The following NUBPL variants were observed in gnomAD, a reference collection of about 807,000 sequenced individuals.
NUBPL encodes NUBP iron-sulfur cluster assembly factor, mitochondrial.
In NUBPL, 31 loss-of-function variants were observed where a neutral mutation model predicts 45.7. The ratio of observed to expected loss-of-function variants is 0.68; its 90% CI spans 0.51 to 0.92. The LOEUF is 0.92. Among genes scored for constraint, NUBPL ranks in the 40% least tolerant of loss-of-function variants. NUBPL has a pLI of 0.00. For synonymous variants in NUBPL, 144 were observed against 140.9 expected (o/e 1.02, Z -0.15); for missense variants, 401 against 398.7 (o/e 1.01, Z -0.05).
chr14:31,618,432 A>G lies in NUBPL; in HGVS notation c.382+19053A>G, dbSNP rs139373553. ...CATTTAGTGCCATAAATTTCCCTCT[A>G]CACACTGCTTTAAATGTGTCCCAGA... On this transcript the variant is annotated intron_variant, in intron 4 of 10. Transcript: ENST00000281081. Among the ~76,000 whole-genome samples the G allele has an allele frequency of 1.3e-5, 2 of 152,162 alleles. 1 individual carries two copies. The highest frequency in any genetic ancestry group is 4.8e-5 in the African/African-American group (2 of 41,518).
At chr14:31,605,729 T>TTTC (rs375756486) in intron 4 of NUBPL, among the ~76,000 whole-genome samples, 21 of 151,886 alleles carry the variant, frequency 1.4e-4, no homozygotes, top group African/African-American at 3.9e-4. Context: ...TTCTTTCTTC[T>TTTC]TTCTTCTTCT....
chr14:31,733,070 A>C (rs1325641309), intron 6 of NUBPL, among the ~76,000 whole-genome samples: 1 of 152,176 alleles, frequency 6.6e-6, no homozygotes, highest in African/African-American at 2.4e-5. Context: ...ACAGAAGTTG[A>C]GGTTCACTTT....
At chr14:31,712,226 G>C (rs1308448583) in intron 6 of NUBPL, among the ~76,000 whole-genome samples, 1 of 152,188 alleles carries the variant, frequency 6.6e-6, no homozygotes, top group Non-Finnish European at 1.5e-5. Context: ...CTTTTAGCTA[G>C]ACACAGAGCG....
At chr14:31,586,237 C>T (rs938224966) in intron 3 of NUBPL, among the ~76,000 whole-genome samples, 1 of 152,014 alleles carries the variant, frequency 6.6e-6, no homozygotes, top group African/African-American at 2.4e-5. Flanking sequence ...TGAGGAAGAC[C>T]GATATATTAA....
At chr14:31,561,590 C>T in intron 1 of NUBPL, 43 bp downstream of exon 1, 4 of 1,260,898 alleles carry the variant, frequency 3.2e-6, no homozygotes, top group Admixed American at 3.3e-5. Context: ...CTGACAGATG[C>T]TGGGCTGCAG....
intron 6 of NUBPL, among the ~76,000 whole-genome samples, chr14:31,774,188 A>T (rs1595610562): frequency 6.6e-6 from 1 of 152,152 alleles, no homozygotes; most frequent in East Asian, 1.9e-4. Flanking sequence ...TGTTATTTTC[A>T]TCTGGCTCAC....
At chr14:31,655,115 T>C (rs2036110337) in intron 4 of NUBPL, among the ~76,000 whole-genome samples, 1 of 152,216 alleles carries the variant, frequency 6.6e-6, no homozygotes, top group Non-Finnish European at 1.5e-5. Context: ...CTAACTCCTG[T>C]TCATTTTGAT....
chr14:31,846,681 G>A (rs956484471), intron 9 of NUBPL, 90 bp downstream of exon 9: 34 of 1,568,190 alleles, frequency 2.2e-5, no homozygotes, highest in Non-Finnish European at 2.9e-5. Flanking sequence ...CAGAGGCCGG[G>A]CACGGAGTCT....
intron 7 of NUBPL, among the ~76,000 whole-genome samples, chr14:31,809,816 G>A (rs768633498): frequency 1.3e-5 from 2 of 151,236 alleles, no homozygotes; most frequent in Non-Finnish European, 1.5e-5. Flanking sequence ...GGTACGTTAT[G>A]TCTTTGTTCT....
chr14:31,679,100 A>G (rs1215642942), intron 6 of NUBPL, among the ~76,000 whole-genome samples: 1 of 152,208 alleles, frequency 6.6e-6, no homozygotes, highest in Non-Finnish European at 1.5e-5. Context: ...AAAGTCTCAC[A>G]GTTGCTGCAT....
chr14:31,713,399 T>A (rs2139930589), intron 6 of NUBPL, among the ~76,000 whole-genome samples: 1 of 148,604 alleles, frequency 6.7e-6, no homozygotes, highest in Non-Finnish European at 1.5e-5. Context: ...TTTCCTAACA[T>A]GTTTATATAT....
intron 4 of NUBPL, among the ~76,000 whole-genome samples, chr14:31,635,266 G>T (rs375862329): frequency 6.6e-6 from 1 of 152,134 alleles, no homozygotes; most frequent in Non-Finnish European, 1.5e-5. Context: ...TAATTTTTGT[G>T]TAAGGTGTAA....
intron 7 of NUBPL, among the ~76,000 whole-genome samples, chr14:31,808,472 TC>T (rs2039734583): frequency 1.3e-5 from 2 of 152,338 alleles, no homozygotes; most frequent in South Asian, 4.1e-4. Context: ...TGATTTTGTA[TC>T]CTGAGACTTT....
intron 10 of NUBPL, among the ~76,000 whole-genome samples, chr14:31,852,330 A>T (rs759407910): frequency 1.8e-4 from 27 of 152,220 alleles, no homozygotes; most frequent in Non-Finnish European, 3.7e-4. Context: ...GAGTCCACTT[A>T]GTGTCCTTGA....
intron 6 of NUBPL, among the ~76,000 whole-genome samples, chr14:31,750,342 A>ATT (rs34600958): frequency 2.2e-5 from 3 of 136,656 alleles, no homozygotes; most frequent in African/African-American, 8.1e-5. Flanking sequence ...CGCCCGGCTA[A>ATT]TTTTTTTTTT....
chr14:31,604,607 T>C (rs960731287), intron 4 of NUBPL, among the ~76,000 whole-genome samples: 1 of 152,136 alleles, frequency 6.6e-6, no homozygotes, highest in African/African-American at 2.4e-5. Flanking sequence ...TTTAAATAGA[T>C]GTATGGCAAT....
rs933104483 is a variant in NUBPL, at chr14:31,824,952, T to A, written c.608-1677T>A. Among the ~76,000 whole-genome samples the A allele has an allele frequency of 2.6e-5, 4 of 152,152 alleles. No individual in the cohort carries two copies. In the East Asian group the frequency reaches 7.7e-4, roughly 29 times the overall value. ...AGGGAACCACAAAATTAAAAAAAAA[T>A]TCACGGATTCAGCCAATCTTAACCA... On this transcript the variant is annotated intron_variant, in intron 7 of 10. Transcript: ENST00000281081.
chr14:31,766,816 C>A (rs555822781), intron 6 of NUBPL, among the ~76,000 whole-genome samples: 3 of 152,104 alleles, frequency 2.0e-5, no homozygotes, highest in African/African-American at 7.2e-5. Context: ...GACCGAAGAC[C>A]CCCAAAAGGG....
At chr14:31,734,084 C>A (rs2038111971) in intron 6 of NUBPL, among the ~76,000 whole-genome samples, 1 of 151,956 alleles carries the variant, frequency 6.6e-6, no homozygotes, top group Non-Finnish European at 1.5e-5. Context: ...ACCTTGTATT[C>A]CTGGAATTAA....
Sources: allele counts gnomAD v4.1 joint callset (sites outside exome capture counted in the v4.1 genomes callset), GRCh38; gene constraint gnomAD v4.1.1; transcripts MANE v1.5; gene names NCBI Gene and HGNC (gene_info 2026-07-23, HGNC 2026-07-21).